The following FOXN3 variants were observed in gnomAD, a reference collection of about 807,000 sequenced individuals.
FOXN3 encodes the protein forkhead box protein N3.
FOXN3 carries 7 observed loss-of-function variants against 38.4 expected under a neutral mutation model. The observed-to-expected ratio is 0.18, with a 90% CI of 0.10 to 0.34. The LOEUF is 0.34. Ranked by LOEUF, FOXN3 falls within the 10% of genes least tolerant of loss-of-function variation. FOXN3 has a pLI of 1.00. For missense variants in FOXN3, 456 were observed against 613.4 expected, an observed-to-expected ratio of 0.74 and a Z score of 2.71; for synonymous variants, 230 against 242.2, an observed-to-expected ratio of 0.95 and a Z score of 0.47.
At chr14:89,358,847 C>T (rs1026596243) in intron 2 of FOXN3, among the ~76,000 whole-genome samples, 3 of 152,182 alleles carry the variant, frequency 2.0e-5, no homozygotes, top group Admixed American at 2.0e-4. Flanking sequence ...AGTCTTGTTT[C>T]AATTTCTCAG....
rs546187742 is a variant in FOXN3, at chr14:89,516,559, GT to G, written c.-15+102468del. ...GGCACCGTGTTTCAGGCTGCCAGTAGTTTTTTTTTTTTTTTTTTTTGAGACA... is the reference window on the plus strand; with the variant it reads ...GGCACCGTGTTTCAGGCTGCCAGTAGTTTTTTTTTTTTTTTTTTTGAGACA... On this transcript the variant is annotated intron_variant, in intron 1 of 6. Transcript: ENST00000345097. Among the ~76,000 whole-genome samples the G allele has an allele frequency of 9.8e-4, 127 of 129,620 alleles. 1 individual carries two copies. The East Asian group carries it at 0.014, about 15-fold the overall frequency. The allele number at this position is 129,620 out of a possible 152,430, so 85.0% of individuals were successfully genotyped here.
Position 89,412,087 on chromosome 14 carries a change from A to G in FOXN3, c.390T>C (p.Ser130=), listed in dbSNP as rs1194183273. The change falls in exon 2 of 6, where the codon TCT becomes TCC. Residue 130 remains serine, a synonymous_variant. Coordinates refer to ENST00000557258, the MANE Select transcript of FOXN3 (RefSeq NM_005197.4). The surrounding 1 kb of genome is among the most constrained non-coding windows in gnomAD (Gnocchi z 4.7). ...SCLIFMAIED[S]PTKRLPVKDI... ...CCTTCACTGGCAGGCGCTTGGTTGGAGAGTCCTCGATGGCCATAAATATGA... is the reference window on the plus strand; with the variant it reads ...CCTTCACTGGCAGGCGCTTGGTTGGGGAGTCCTCGATGGCCATAAATATGA... 1 of 1,613,150 alleles carries G rather than the reference A, an allele frequency of 6.2e-7. No individual in the cohort carries two copies. Among genetic ancestry groups the G allele is most frequent in the Non-Finnish European group, 8.5e-7 (1 of 1,179,714 alleles).
At chr14:89,266,447 G>A (rs1444296455) in intron 4 of FOXN3, among the ~76,000 whole-genome samples, 1 of 152,096 alleles carries the variant, frequency 6.6e-6, no homozygotes, top group Non-Finnish European at 1.5e-5. Context: ...ATGCGGGGCG[G>A]TGGTGGTGAA....
intron 1 of FOXN3, among the ~76,000 whole-genome samples, chr14:89,509,087 A>C (rs1894005129): frequency 6.8e-6 from 1 of 147,076 alleles, no homozygotes; most frequent in Non-Finnish European, 1.5e-5. Context: ...CCTCCCTCTC[A>C]CTCTGTTCCA....
At chr14:89,175,644 C>A (rs551311578) in intron 5 of FOXN3, among the ~76,000 whole-genome samples, 15 of 152,330 alleles carry the variant, frequency 9.8e-5, no homozygotes, top group African/African-American at 3.6e-4. Flanking sequence ...CCTGAGGTCA[C>A]ACGGCTGCAG....
intron 4 of FOXN3, among the ~76,000 whole-genome samples, chr14:89,194,237 A>G (rs983747573): frequency 1.3e-5 from 2 of 152,144 alleles, no homozygotes; most frequent in Non-Finnish European, 2.9e-5. Context: ...GTGTTCTAAG[A>G]AATCTTAGCC....
intron 3 of FOXN3, among the ~76,000 whole-genome samples, chr14:89,286,036 T>A (rs1886619085): frequency 1.3e-5 from 2 of 151,966 alleles, no homozygotes; most frequent in East Asian, 1.9e-4. Context: ...CTGGCTAAGT[T>A]TTTTTTGTTG....
intron 1 of FOXN3, among the ~76,000 whole-genome samples, chr14:89,424,959 C>T (rs896604845): frequency 9.9e-5 from 15 of 151,868 alleles, no homozygotes; most frequent in South Asian, 4.1e-4. Flanking sequence ...CAGGGATATT[C>T]GTGATGCTTA....
intron 1 of FOXN3, among the ~76,000 whole-genome samples, chr14:89,485,502 C>G (rs1051057296): frequency 1.3e-5 from 2 of 152,186 alleles, no homozygotes; most frequent in Non-Finnish European, 2.9e-5. Flanking sequence ...CCCCAAAGGC[C>G]AGACAGAGCT....
At chr14:89,501,415 C>T (rs1251645605) in intron 1 of FOXN3, among the ~76,000 whole-genome samples, 1 of 152,080 alleles carries the variant, frequency 6.6e-6, no homozygotes, top group African/African-American at 2.4e-5. Context: ...AGGCAGAAAC[C>T]GAGGGTTTTT....
At chr14:89,617,694 T>G (rs1047680054) in intron 1 of FOXN3, among the ~76,000 whole-genome samples, 1 of 152,196 alleles carries the variant, frequency 6.6e-6, no homozygotes, top group Admixed American at 6.5e-5. Flanking sequence ...AGCTGACGTC[T>G]GCAAAGAAAT....
intron 4 of FOXN3, among the ~76,000 whole-genome samples, chr14:89,216,103 G>T (rs571048339): frequency 6.6e-6 from 1 of 152,294 alleles, no homozygotes; most frequent in Admixed American, 6.5e-5. Flanking sequence ...CAGGTGCCTA[G>T]GCTGATGTAT....
chr14:89,525,562 G>A (rs1190948243), intron 1 of FOXN3, among the ~76,000 whole-genome samples: 1 of 149,806 alleles, frequency 6.7e-6, no homozygotes, highest in Non-Finnish European at 1.5e-5. Context: ...CCAGCAGCCC[G>A]AGCTGCTGCT....
chr14:89,390,907 G>C (rs1890925729), intron 2 of FOXN3, among the ~76,000 whole-genome samples: 1 of 152,044 alleles, frequency 6.6e-6, no homozygotes, highest in Admixed American at 6.6e-5. Flanking sequence ...TAGGAAAGAG[G>C]GTCACTGAGA....
At chr14:89,459,475 G>A (rs1393258485) in intron 1 of FOXN3, among the ~76,000 whole-genome samples, 2 of 152,160 alleles carry the variant, frequency 1.3e-5, no homozygotes, top group African/African-American at 2.4e-5. Flanking sequence ...TTACACGTGG[G>A]GAAAATGAGC....
At chr14:89,470,468 A>G (rs1218547439) in intron 1 of FOXN3, among the ~76,000 whole-genome samples, 2 of 152,176 alleles carry the variant, frequency 1.3e-5, no homozygotes, top group African/African-American at 4.8e-5. Context: ...TTTCTCATCT[A>G]TGAAAGAGGA....
chr14:89,377,312 A>AAAAATAAAT (rs142467882), intron 2 of FOXN3, among the ~76,000 whole-genome samples: 1 of 149,644 alleles, frequency 6.7e-6, no homozygotes, highest in South Asian at 2.1e-4. Context: ...ATGCTGGTAA[A>AAAAATAAAT]AAATAAATAA....
intron 1 of FOXN3, among the ~76,000 whole-genome samples, chr14:89,440,231 C>A (rs1211989272): frequency 6.6e-6 from 1 of 152,114 alleles, no homozygotes; most frequent in Non-Finnish European, 1.5e-5. Context: ...AAGGAAAAGA[C>A]CACCCCTTCT....
chr14:89,543,194 GGAGT>G (rs1203650715), intron 1 of FOXN3, among the ~76,000 whole-genome samples: 2 of 152,170 alleles, frequency 1.3e-5, no homozygotes, highest in African/African-American at 4.8e-5. Flanking sequence ...GTGAGGACTT[GGAGT>G]AAGTATGGGG....
Sources: gnomAD v4.1 joint callset for allele counts (sites outside exome capture counted in the v4.1 genomes callset) on GRCh38, gnomAD v4.1.1 for gene constraint, Gnocchi (gnomAD v3.1) non-coding constraint, MANE v1.5 for transcripts, NCBI Gene and HGNC (gene_info 2026-07-23, HGNC 2026-07-21) for gene names.